Variants in GCC2 observed in about 807,000 individuals in gnomAD.
The protein encoded by GCC2 is GRIP and coiled-coil domain containing 2, also known as GRIP and coiled-coil domain-containing protein 2.
GCC2 carries 120 observed loss-of-function variants against 210.6 expected under a neutral mutation model. That is an observed-to-expected ratio of 0.57 (90% CI 0.49 to 0.66). The LOEUF is 0.66. Ranked by LOEUF, GCC2 falls within the 30% of genes least tolerant of loss-of-function variation. GCC2 has a pLI of 0.00. For missense variants in GCC2, 1,868 were observed against 1,871.9 expected, an observed-to-expected ratio of 1.00 and a Z score of 0.04; for synonymous variants, 703 against 652.7, an observed-to-expected ratio of 1.08 and a Z score of -1.17.
Position 108,493,227 on chromosome 2 carries a change from C to CT in GCC2, c.4447+438dup, listed in dbSNP as rs1406939475. 4.2e-5 allele frequency: 12 copies of CT among 289,106 alleles called. No homozygotes were observed. In the East Asian group the frequency reaches 8.0e-4, roughly 19 times the overall value. The allele number at this position is 289,106 out of a possible 1,614,324, so 17.9% of individuals were successfully genotyped here. On this transcript the variant is annotated intron_variant, in intron 19 of 22. Transcript: ENST00000309863. The stretch of plus-strand genomic sequence containing the variant: ...GCCTCAGCCTTCCGAGCAGCTGGGA[C>CT]TACAGGTGCCTGCCACCAGGCCGGC...
chr2:108,465,569 G>A (rs529318734), intron 4 of GCC2, among the ~76,000 whole-genome samples: 4 of 151,982 alleles, frequency 2.6e-5, no homozygotes, highest in African/African-American at 7.3e-5. Context: ...CATACTCATC[G>A]CTTAGCTCCT....
At position 108,451,095 on chromosome 2, in the gene GCC2, C is replaced by T; in HGVS notation, c.131C>T (p.Ala44Val). The change falls in exon 3 of 23, where the codon GCT becomes GTT. Residue 44 changes from alanine (A) to valine (V), a missense_variant. Transcript: ENST00000309863. ...AKKQMMLIQK[A>V]KSRCTELEKE... ...AAACAGATGATGCTAATACAGAAAG[C>T]TAAATCAAGGTGTACAGGTATTGGG... is the stretch of plus-strand genomic sequence containing the variant. 6 of 1,606,016 alleles carry T rather than the reference C, an allele frequency of 3.7e-6. No individual in the cohort carries two copies. Among genetic ancestry groups the T allele is most frequent in the Non-Finnish European group, 5.1e-6 (6 of 1,172,772 alleles).
intron 2 of GCC2, among the ~76,000 whole-genome samples, 185 bp from the exon 3 acceptor site, chr2:108,450,843 A>G (rs1190796803): frequency 6.6e-6 from 1 of 152,202 alleles, no homozygotes; most frequent in East Asian, 1.9e-4. Flanking sequence ...AGATCGTGTC[A>G]TGCACTCCGG....
intron 18 of GCC2, among the ~76,000 whole-genome samples, chr2:108,491,593 T>C (rs529572217): frequency 6.8e-4 from 104 of 152,214 alleles, no homozygotes; most frequent in Non-Finnish European, 1.3e-3. Context: ...AAAAAATATC[T>C]TGGAAAAGTA....
At chr2:108,503,100 G>A (rs1245927369) in intron 22 of GCC2, among the ~76,000 whole-genome samples, 3 of 151,778 alleles carry the variant, frequency 2.0e-5, no homozygotes, top group East Asian at 1.9e-4. Context: ...GAGAATGGCT[G>A]GAAATCTTTC....
At position 108,452,528 on chromosome 2, in the gene GCC2, G is replaced by A. The variant is rs182480944; in HGVS notation, c.216+62G>A. 9.4e-6 allele frequency: 9 copies of A among 962,118 alleles called. No individual in the cohort carries two copies. In the East Asian group the frequency reaches 2.1e-4, roughly 23 times the overall value. 59.6% of individuals were successfully genotyped at this position (962,118 alleles called of 1,614,324 possible). A position where few individuals can be genotyped will look rare whatever the true frequency, so the allele number is the denominator to read the frequency against. On this transcript the variant is annotated intron_variant, in intron 4 of 22. Transcript: ENST00000309863. ...AAATTTCCCTGAGGATTGTCAGTCTGCTAGAGGCTATCTGGCTTTCTGTTT... is the reference window on the plus strand; with the variant it reads ...AAATTTCCCTGAGGATTGTCAGTCTACTAGAGGCTATCTGGCTTTCTGTTT...
intron 1 of GCC2, 141 bp downstream of exon 1, chr2:108,449,421 G>C (rs1310397488): frequency 1.6e-5 from 23 of 1,416,860 alleles, no homozygotes; most frequent in Non-Finnish European, 2.0e-5. Context: ...CCCATCTTTC[G>C]TAAACTCTAT....
intron 18 of GCC2, 185 bp downstream of exon 18, chr2:108,490,199 A>G: frequency 2.4e-6 from 1 of 416,382 alleles, no homozygotes; most frequent in South Asian, 9.9e-5. Flanking sequence ...TGTATTTTGC[A>G]TTTTTAAGAA....
At position 108,482,467 on chromosome 2, in the gene GCC2, T is replaced by C; in HGVS notation, c.3345+16T>C. ...GAAGATAAAGGTAAAAACAATCCTATGAGATTGATTCACATATATATGATG... is the reference window on the plus strand; with the variant it reads ...GAAGATAAAGGTAAAAACAATCCTACGAGATTGATTCACATATATATGATG... On this transcript the variant is annotated intron_variant, in intron 11 of 22. Coordinates refer to ENST00000309863, the MANE Select transcript of GCC2 (RefSeq NM_181453.4). 1 of 1,305,164 alleles carries C rather than the reference T, an allele frequency of 7.7e-7. No homozygotes were observed. Among genetic ancestry groups the C allele is most frequent in the Non-Finnish European group, 1.1e-6 (1 of 913,376 alleles). The allele number at this position is 1,305,164 out of a possible 1,614,324, so 80.8% of individuals were successfully genotyped here.
chr2:108,449,577 C>G (rs1286695156), intron 1 of GCC2, 56 bp from the exon 2 acceptor site: 3 of 1,506,806 alleles, frequency 2.0e-6, no homozygotes, highest in South Asian at 1.1e-5. Flanking sequence ...CTACGCGTTC[C>G]GTGTGGAATT....
chr2:108,506,805 A>G (rs1460589662), intron 22 of GCC2, among the ~76,000 whole-genome samples: 6 of 152,172 alleles, frequency 3.9e-5, no homozygotes, highest in Non-Finnish European at 8.8e-5. Context: ...AGAAAGACAA[A>G]TAATGTTCGA....
At position 108,471,529 on chromosome 2, in the gene GCC2, A is replaced by G; in HGVS notation, c.2200A>G (p.Met734Val). 2 of 1,604,118 alleles carry G rather than the reference A, an allele frequency of 1.2e-6. No homozygotes were observed. Among genetic ancestry groups the G allele is most frequent in the South Asian group, 1.1e-5 (1 of 88,636 alleles). ...ITQLEKKLQL[M>V]VEEQDNLNKL... ...TCAATTAGAAAAGAAACTTCAGTTA[A>G]TGGTTGAAGAGCAAGATAATTTAAA... The change falls in exon 6 of 23, where the codon ATG becomes GTG. Residue 734 changes from methionine to valine, a missense_variant. Transcript: ENST00000309863.
intron 13 of GCC2, 49 bp downstream of exon 13, chr2:108,484,360 A>G (rs984629785): frequency 7.3e-6 from 8 of 1,094,846 alleles, no homozygotes; most frequent in South Asian, 1.7e-5. Context: ...CATCATAACA[A>G]CTTGATTTGG....
At position 108,469,983 on chromosome 2, in the gene GCC2, A is replaced by G. The variant is rs1443343409; in HGVS notation, c.654A>G (p.Gln218=). The G allele has an allele frequency of 1.2e-6, 2 of 1,612,770 alleles. No individual in the cohort carries two copies. Among genetic ancestry groups the G allele is most frequent in the African/African-American group, 1.3e-5 (1 of 74,982 alleles). Residue 218 remains glutamine, a synonymous_variant, in exon 6 of 23, where the codon CAA becomes CAG. Transcript: ENST00000309863. ...ATGAAAAGAAGGAAACAGTTACTCA[A>G]CTCCAAAATATCATTGAGGCTAATT... The part of the protein sequence containing the change: ...TTDEKKETVT[Q]LQNIIEANSQ...
Position 108,472,044 on chromosome 2 carries a change from A to G in GCC2, c.2715A>G (p.Glu905=), listed in dbSNP as rs374523392. ...AAAAAGAAAAATGTTTTATAAAGGA[A>G]CATGAAAACCTAAAGCCACTACTAG... ...HNEKEKCFIK[E]HENLKPLLEQ... is the part of the protein sequence containing the mutation. Residue 905 remains glutamate (E), a synonymous_variant, in exon 6 of 23, where the codon GAA becomes GAG. Coordinates refer to ENST00000309863, the MANE Select transcript of GCC2 (RefSeq NM_181453.4). 5 of 1,591,736 alleles carry G rather than the reference A, an allele frequency of 3.1e-6. No homozygotes were observed. In the African/African-American group the frequency reaches 6.8e-5, roughly 22 times the overall value.
In GCC2 at chr2:108,471,115, A is replaced by G. The variant is rs1681191027; in HGVS notation, c.1786A>G (p.Lys596Glu). 1.3e-6 allele frequency: 2 copies of G among 1,587,306 alleles called. No individual in the cohort carries two copies. Among genetic ancestry groups the G allele is most frequent in the South Asian group, 2.3e-5 (2 of 88,616 alleles). Residue 596 changes from lysine (K) to glutamate (E), a missense_variant, in exon 6 of 23, where the codon AAA (lysine) becomes GAA (glutamate). Around this residue, in one of 3 missense-constraint regions of GCC2, gnomAD observed 1,847 missense variants for 1,765.2 expected, o/e 1.05. Transcript: ENST00000309863. ...EGKINSLTEE[K>E]DDFINKLKNS... ...AAAGATAAATTCTCTTACTGAGGAA[A>G]AAGATGATTTTATAAATAAACTGAA...
intron 17 of GCC2, among the ~76,000 whole-genome samples, chr2:108,489,408 G>C (rs1348550594): frequency 6.6e-6 from 1 of 152,014 alleles, no homozygotes; most frequent in East Asian, 1.9e-4. Context: ...CTAGCTACTT[G>C]GGAGGCTGAG....
intron 11 of GCC2, 148 bp downstream of exon 11, chr2:108,482,599 C>T (rs1681917284): frequency 3.8e-6 from 2 of 526,942 alleles, no homozygotes; most frequent in East Asian, 3.1e-5. Context: ...ATTTGAGAAT[C>T]CATGCTGTGA....
intron 18 of GCC2, among the ~76,000 whole-genome samples, chr2:108,492,155 T>A (rs1682433507): frequency 1.3e-5 from 2 of 151,546 alleles, no homozygotes; most frequent in African/African-American, 2.4e-5. Flanking sequence ...TTTTTTTTTT[T>A]AATGTTTTCA....
Sources: gnomAD v4.1 joint callset for allele counts (sites outside exome capture counted in the v4.1 genomes callset) on GRCh38, gnomAD v4.1.1 for gene constraint, gnomAD v4.1.1 regional missense constraint, MANE v1.5 for transcripts, NCBI Gene and HGNC (gene_info 2026-07-23, HGNC 2026-07-21) for gene names.